XPO6: variants seen among roughly 807,000 people sequenced by gnomAD.
The protein encoded by XPO6 is exportin 6.
Under a neutral mutation model 130.0 loss-of-function variants are expected in XPO6, and 3 were observed. That is an observed-to-expected ratio of 0.02 (90% CI 0.01 to 0.06). XPO6 has a LOEUF of 0.06. Among genes scored for constraint, XPO6 ranks in the 10% least tolerant of loss-of-function variants. The probability of loss-of-function intolerance (pLI) is 1.00; values close to 1 mark genes in which losing one functional copy is unlikely to be tolerated. For synonymous variants in XPO6, 524 were observed against 548.9 expected (o/e 0.95, Z 0.63); for missense variants, 970 against 1,393.0 (o/e 0.70, Z 4.83).
intron 8 of XPO6, among the ~76,000 whole-genome samples, chr16:28,149,390 T>C (rs945725845): frequency 7.2e-5 from 11 of 152,214 alleles, no homozygotes; most frequent in African/African-American, 2.7e-4. Context: ...AAGAAGATAC[T>C]AGCACCATCT....
chr16:28,098,405 G>T lies in XPO6; in HGVS notation c.*133C>A. On this transcript the variant is annotated 3_prime_UTR_variant, in exon 24 of 24. Coordinates refer to ENST00000304658, the MANE Select transcript of XPO6 (RefSeq NM_015171.4). The stretch of plus-strand genomic sequence containing the variant: ...CGGCAAGATGTGGAGGAGCGGCAGA[G>T]GCAGGCAGCGTTGCTTGCGGTGGGA... The T allele has an allele frequency of 1.4e-6, 1 of 734,798 alleles. No individual in the cohort carries two copies. 45.5% of individuals were successfully genotyped at this position (734,798 alleles called of 1,614,324 possible).
At chr16:28,185,354 T>C (rs1345205846) in intron 1 of XPO6, among the ~76,000 whole-genome samples, 1 of 151,980 alleles carries the variant, frequency 6.6e-6, no homozygotes, top group African/African-American at 2.4e-5. Flanking sequence ...AGCAAGACCT[T>C]GCCTCTTAAA....
At chr16:28,195,351 T>C (rs1489050260) in intron 1 of XPO6, among the ~76,000 whole-genome samples, 1 of 152,198 alleles carries the variant, frequency 6.6e-6, no homozygotes, top group Non-Finnish European at 1.5e-5. Context: ...ATCCACACTG[T>C]AGAACACCTA....
At chr16:28,107,254 A>T (rs1301021611) in intron 18 of XPO6, among the ~76,000 whole-genome samples, 1 of 152,194 alleles carries the variant, frequency 6.6e-6, no homozygotes, top group African/African-American at 2.4e-5. Flanking sequence ...CTTGCCACAA[A>T]ATAAGGAGAA....
chr16:28,200,899 C>T (rs931984377), intron 1 of XPO6, among the ~76,000 whole-genome samples: 7 of 152,096 alleles, frequency 4.6e-5, no homozygotes, highest in East Asian at 3.8e-4. Flanking sequence ...GGCCCCTTAA[C>T]GACGACTAGC....
intron 6 of XPO6, among the ~76,000 whole-genome samples, chr16:28,160,836 A>T (rs756257641): frequency 3.3e-5 from 5 of 152,214 alleles, no homozygotes; most frequent in African/African-American, 4.8e-5. Flanking sequence ...TAAATATTTA[A>T]TTCATTTAAT....
At chr16:28,135,094 C>A in intron 10 of XPO6, 122 bp downstream of exon 10, 1 of 720,656 alleles carries the variant, frequency 1.4e-6, no homozygotes, top group Non-Finnish European at 2.3e-6. Flanking sequence ...ACGACTCAAA[C>A]CAGAAGACTA....
At chr16:28,161,130 G>A (rs1445051405) in intron 6 of XPO6, among the ~76,000 whole-genome samples, 3 of 152,176 alleles carry the variant, frequency 2.0e-5, no homozygotes, top group Non-Finnish European at 4.4e-5. Context: ...TATCATATTA[G>A]ATTAAAGTCT....
chr16:28,136,836 T>C (rs1240594263), intron 9 of XPO6, among the ~76,000 whole-genome samples: 1 of 152,246 alleles, frequency 6.6e-6, no homozygotes, highest in East Asian at 1.9e-4. Context: ...AAGGGACTGC[T>C]CCCATTCACA....
intron 23 of XPO6, among the ~76,000 whole-genome samples, chr16:28,100,809 C>T (rs1013060342): frequency 6.6e-6 from 1 of 152,212 alleles, no homozygotes; most frequent in African/African-American, 2.4e-5. Flanking sequence ...TGTCAGGCTC[C>T]AACAAGATGG....
chr16:28,169,598 C>A, intron 5 of XPO6, 152 bp downstream of exon 5: 1 of 903,968 alleles, frequency 1.1e-6, no homozygotes, highest in Non-Finnish European at 1.7e-6. Flanking sequence ...GTGTGCTAGA[C>A]CCTGGGCTAT....
rs748676031 is a variant in XPO6 at position 28,106,537 on chromosome 16, C to G, written c.2498-40G>C. 6.6e-7 allele frequency: 1 copy of G among 1,524,178 alleles called. No individual in the cohort carries two copies. Among genetic ancestry groups the G allele is most frequent in the Non-Finnish European group, 9.1e-7 (1 of 1,100,576 alleles). 94.4% of individuals were successfully genotyped at this position (1,524,178 alleles called of 1,614,324 possible). A position where few individuals can be genotyped will look rare whatever the true frequency, so the allele number is the denominator to read the frequency against. On this transcript the variant is annotated intron_variant, in intron 18 of 23. Transcript: ENST00000304658. The surrounding 1 kb of genome is among the most constrained non-coding windows in gnomAD (Gnocchi z 4.2). ...AGAGATATCGTCAGAGGCTTGCACA[C>G]AGTGAGAACCAGAACCCTGGGCTTC... is the stretch of plus-strand genomic sequence containing the variant.
chr16:28,188,791 T>C (rs2043737826), intron 1 of XPO6, among the ~76,000 whole-genome samples: 1 of 148,860 alleles, frequency 6.7e-6, no homozygotes, highest in African/African-American at 2.5e-5. Context: ...CCAGGGCGAG[T>C]GACATCTACC....
intron 6 of XPO6, among the ~76,000 whole-genome samples, chr16:28,160,132 T>A (rs1002397873): frequency 6.0e-5 from 8 of 132,938 alleles, no homozygotes; most frequent in Admixed American, 1.8e-4. Flanking sequence ...TTGCAGTAAG[T>A]AGAGATTGCA....
At chr16:28,144,817 TTTACAAATGAGGAAACAGA>T (rs2141795832) in intron 9 of XPO6, among the ~76,000 whole-genome samples, 2 of 152,308 alleles carry the variant, frequency 1.3e-5, no homozygotes, top group South Asian at 4.1e-4. Context: ...TCATCCTCAT[TTTACAAATGAGGAAACAGA>T]AGCTTCCACA....
chr16:28,130,441 T>C (rs2042643684), intron 12 of XPO6, among the ~76,000 whole-genome samples: 1 of 152,182 alleles, frequency 6.6e-6, no homozygotes, highest in Non-Finnish European at 1.5e-5. Context: ...GGAGGTTATT[T>C]GAGGGGGTAA....
chr16:28,153,220 G>C (rs2043125033), intron 7 of XPO6: 13 of 993,784 alleles, frequency 1.3e-5, no homozygotes, highest in Non-Finnish European at 1.6e-5. Flanking sequence ...GCTACGAAGG[G>C]CATGGCATCC....
Position 28,147,649 on chromosome 16 carries a change from T to C in XPO6, c.1225-1446A>G, listed in dbSNP as rs562816569. Among the ~76,000 whole-genome samples the C allele has an allele frequency of 2.2e-4, 33 of 152,182 alleles. 1 individual carries two copies. The highest frequency in any genetic ancestry group is 7.7e-4 in the African/African-American group (32 of 41,520). On this transcript the variant is annotated intron_variant, in intron 8 of 23. Transcript: ENST00000304658. ...CAGGAAAAACAATGAATAAGCCACA[T>C]GGAAATGATACGGCAGCCAGACCGA...
chr16:28,200,903 G>A (rs767269580), intron 1 of XPO6, among the ~76,000 whole-genome samples: 1 of 152,014 alleles, frequency 6.6e-6, no homozygotes, highest in African/African-American at 2.4e-5. Flanking sequence ...CCTTAACGAC[G>A]ACTAGCACAG....
Sources: allele counts gnomAD v4.1 joint callset (sites outside exome capture counted in the v4.1 genomes callset), GRCh38; gene constraint gnomAD v4.1.1; non-coding constraint Gnocchi (gnomAD v3.1); transcripts MANE v1.5; gene names NCBI Gene and HGNC (gene_info 2026-07-23, HGNC 2026-07-21).